The following ADCY8 variants were observed in gnomAD, a reference collection of about 807,000 sequenced individuals.
ADCY8 encodes the protein adenylate cyclase 8, also known as adenylate cyclase type 8.
Under a neutral mutation model 119.7 loss-of-function variants are expected in ADCY8, and 51 were observed. That is an observed-to-expected ratio of 0.43 (90% CI 0.34 to 0.54). The LOEUF (loss-of-function observed/expected upper bound fraction) is 0.54, where lower values mean the gene tolerates loss of function less well. ADCY8 is among the 20% of genes least tolerant of loss of function. ADCY8 has a pLI of 0.03. For synonymous variants in ADCY8, 665 were observed against 651.0 expected, an observed-to-expected ratio of 1.02 and a Z score of -0.33; for missense variants, 1,383 against 1,598.8, an observed-to-expected ratio of 0.87 and a Z score of 2.30.
chr8:130,918,412 G>C (rs995320726), intron 5 of ADCY8, among the ~76,000 whole-genome samples: 2 of 152,130 alleles, frequency 1.3e-5, no homozygotes, highest in East Asian at 3.9e-4. Flanking sequence ...TCCAGATACT[G>C]TTATATTTGT....
chr8:130,954,242 A>C (rs561842769), intron 2 of ADCY8, among the ~76,000 whole-genome samples: 2 of 152,332 alleles, frequency 1.3e-5, no homozygotes, highest in South Asian at 4.1e-4. Context: ...TTATGTTAGG[A>C]AGAGAATGGC....
intron 7 of ADCY8, among the ~76,000 whole-genome samples, chr8:130,900,508 A>T (rs533951802): frequency 3.0e-4 from 46 of 152,124 alleles, no homozygotes; most frequent in Non-Finnish European, 5.6e-4. Context: ...GATGTCCTTC[A>T]ATCCAGTTCC....
In ADCY8 at chr8:131,039,332, G is replaced by A. The variant is rs573313834; in HGVS notation, c.960+42C>T. On this transcript the variant is annotated intron_variant, in intron 1 of 17. Transcript: ENST00000286355. ...GGAAGCTATATGATCAATAACCCGGGGAAGTTAGAGGGGAAACAAATGCAA... is the reference window on the plus strand; with the variant it reads ...GGAAGCTATATGATCAATAACCCGGAGAAGTTAGAGGGGAAACAAATGCAA... 5 of 1,598,784 alleles carry A rather than the reference G, an allele frequency of 3.1e-6. No individual in the cohort carries two copies. The East Asian group carries it at 9.0e-5, about 29-fold the overall frequency.
At chr8:130,831,174 GT>G (rs558692517) in intron 12 of ADCY8, among the ~76,000 whole-genome samples, 60 of 152,316 alleles carry the variant, frequency 3.9e-4, no homozygotes, top group African/African-American at 1.4e-3. Flanking sequence ...GTGAATGATA[GT>G]TGGCTTACTG....
intron 4 of ADCY8, among the ~76,000 whole-genome samples, chr8:130,938,046 A>C (rs967960278): frequency 6.6e-6 from 1 of 152,196 alleles, no homozygotes; most frequent in African/African-American, 2.4e-5. Context: ...AAGCAGCTAG[A>C]TGTTATAGGT....
At chr8:130,857,619 C>T (rs1817788337) in intron 9 of ADCY8, among the ~76,000 whole-genome samples, 1 of 152,110 alleles carries the variant, frequency 6.6e-6, no homozygotes, top group African/African-American at 2.4e-5. Context: ...AGGTTTGATC[C>T]CATTGGCAAG....
At chr8:130,810,777 G>A (rs556337492) in intron 14 of ADCY8, among the ~76,000 whole-genome samples, 1 of 152,240 alleles carries the variant, frequency 6.6e-6, no homozygotes, top group South Asian at 2.1e-4. Flanking sequence ...TTATACATGC[G>A]ATTAATGCTG....
intron 15 of ADCY8, among the ~76,000 whole-genome samples, chr8:130,793,724 G>C (rs1438384796): frequency 6.6e-6 from 1 of 152,122 alleles, no homozygotes. Context: ...GCATTTCCAG[G>C]GTGGAAGAGT....
chr8:130,924,147 G>T (rs1326279722), intron 5 of ADCY8, among the ~76,000 whole-genome samples: 1 of 152,188 alleles, frequency 6.6e-6, no homozygotes, highest in African/African-American at 2.4e-5. Context: ...TCCAGAATTG[G>T]TCCCCTTGTG....
intron 7 of ADCY8, among the ~76,000 whole-genome samples, 168 bp downstream of exon 7, chr8:130,903,604 G>C (rs956728798): frequency 6.6e-6 from 1 of 151,328 alleles, no homozygotes; most frequent in Non-Finnish European, 1.5e-5. Context: ...AATTGCATAC[G>C]AGGTTAATTC....
At chr8:130,913,869 C>T (rs191647830) in intron 5 of ADCY8, among the ~76,000 whole-genome samples, 30 of 152,246 alleles carry the variant, frequency 2.0e-4, no homozygotes, top group Non-Finnish European at 4.0e-4. Context: ...CAGCCAAGTT[C>T]TCATCTTGTT....
chr8:131,028,172 T>C (rs1823878568), intron 1 of ADCY8, among the ~76,000 whole-genome samples: 1 of 152,176 alleles, frequency 6.6e-6, no homozygotes, highest in Non-Finnish European at 1.5e-5. Context: ...GAAAAACCCA[T>C]AGCAAAAACA....
At chr8:130,868,045 T>A in intron 8 of ADCY8, 99 bp from the exon 9 acceptor site, 1 of 745,282 alleles carries the variant, frequency 1.3e-6, no homozygotes, top group Non-Finnish European at 2.1e-6. Context: ...TAGATTTTTT[T>A]TAAATTAAGA....
chr8:130,808,654 A>C (rs892532783), intron 14 of ADCY8, among the ~76,000 whole-genome samples: 1 of 152,188 alleles, frequency 6.6e-6, no homozygotes, highest in African/African-American at 2.4e-5. Flanking sequence ...CGGCCTTTCT[A>C]TAATGAAGCT....
intron 7 of ADCY8, among the ~76,000 whole-genome samples, chr8:130,885,651 T>G (rs1470041332): frequency 8.5e-6 from 1 of 117,900 alleles, no homozygotes; most frequent in Non-Finnish European, 1.7e-5. Flanking sequence ...GGCAGCTTCT[T>G]AGACCAAAAA....
At chr8:130,974,985 A>G (rs1049398204) in intron 2 of ADCY8, among the ~76,000 whole-genome samples, 6 of 152,110 alleles carry the variant, frequency 3.9e-5, no homozygotes, top group Non-Finnish European at 7.4e-5. Flanking sequence ...AGCAGTGGCA[A>G]TGGTGGTTTT....
At chr8:130,957,141 C>T (rs6470870) in intron 2 of ADCY8, among the ~76,000 whole-genome samples, 121,547 of 152,124 alleles carry the variant, frequency 0.8, 51,601 homozygotes, top group East Asian at 0.95. Flanking sequence ...AAGTTTGGAA[C>T]TCCCTAGAGA....
At chr8:130,993,150 C>T (rs1304050845) in intron 1 of ADCY8, among the ~76,000 whole-genome samples, 1 of 152,020 alleles carries the variant, frequency 6.6e-6, no homozygotes, top group African/African-American at 2.4e-5. Flanking sequence ...ATAAAGCTGG[C>T]TTTGTTGTAT....
intron 9 of ADCY8, among the ~76,000 whole-genome samples, chr8:130,864,589 A>G (rs1818050417): frequency 6.6e-6 from 1 of 152,068 alleles, no homozygotes; most frequent in South Asian, 2.1e-4. Flanking sequence ...GGAAGTTTCT[A>G]TTGACCTGTC....
Sources: gnomAD v4.1 joint callset for allele counts (sites outside exome capture counted in the v4.1 genomes callset) on GRCh38, gnomAD v4.1.1 for gene constraint, MANE v1.5 for transcripts, NCBI Gene and HGNC (gene_info 2026-07-23, HGNC 2026-07-21) for gene names.